Variants in CCDC6 observed in about 807,000 individuals in gnomAD.
CCDC6 encodes the protein coiled-coil domain containing 6, also known as coiled-coil domain-containing protein 6.
CCDC6 carries 20 observed loss-of-function variants against 56.6 expected under a neutral mutation model. The observed-to-expected ratio is 0.35, with a 90% CI of 0.25 to 0.51. CCDC6 has a LOEUF of 0.51. Ranked by LOEUF, CCDC6 falls within the 20% of genes least tolerant of loss-of-function variation. The pLI is 0.95. For synonymous variants in CCDC6, 241 were observed against 234.4 expected, an observed-to-expected ratio of 1.03 and a Z score of -0.26; for missense variants, 367 against 601.1, an observed-to-expected ratio of 0.61 and a Z score of 4.07.
At chr10:59,857,332 A>G (rs1564749913) in intron 1 of CCDC6, among the ~76,000 whole-genome samples, 1 of 152,314 alleles carries the variant, frequency 6.6e-6, no homozygotes, top group East Asian at 1.9e-4. Context: ...AGGAAAACAC[A>G]GTTTGTTCTG....
chr10:59,808,249 T>C (rs1483805092), intron 5 of CCDC6, among the ~76,000 whole-genome samples: 1 of 152,170 alleles, frequency 6.6e-6, no homozygotes, highest in African/African-American at 2.4e-5. Context: ...CCCAGGAATC[T>C]GAAATGGGGA....
chr10:59,837,657 A>G (rs1292869311), intron 2 of CCDC6, among the ~76,000 whole-genome samples: 1 of 150,382 alleles, frequency 6.6e-6, no homozygotes, highest in Non-Finnish European at 1.5e-5. Context: ...GAGGCAGGAG[A>G]ATCACTTGAA....
intron 3 of CCDC6, among the ~76,000 whole-genome samples, chr10:59,824,769 ACTT>A (rs909009877): frequency 5.9e-5 from 9 of 152,104 alleles, no homozygotes; most frequent in African/African-American, 2.2e-4. Flanking sequence ...TCATTTTTGT[ACTT>A]CTTTTTGTAC....
intron 1 of CCDC6, among the ~76,000 whole-genome samples, chr10:59,878,701 C>T (rs989665346): frequency 3.3e-5 from 5 of 152,174 alleles, no homozygotes; most frequent in African/African-American, 1.2e-4. Context: ...CCTTCACAAC[C>T]AATCATAACA....
At chr10:59,839,577 A>G (rs2070918561) in intron 2 of CCDC6, among the ~76,000 whole-genome samples, 2 of 152,160 alleles carry the variant, frequency 1.3e-5, no homozygotes, top group Admixed American at 1.3e-4. Context: ...ACTCCTAGAC[A>G]TAATCAATAT....
At chr10:59,884,235 AAAAC>A (rs1287318703) in intron 1 of CCDC6, among the ~76,000 whole-genome samples, 7 of 152,222 alleles carry the variant, frequency 4.6e-5, no homozygotes, top group African/African-American at 1.7e-4. Context: ...CAACCCCTTC[AAAAC>A]AAACAAAAAA....
chr10:59,842,683 G>C (rs1378334346), intron 2 of CCDC6, among the ~76,000 whole-genome samples: 1 of 151,210 alleles, frequency 6.6e-6, no homozygotes, highest in Non-Finnish European at 1.5e-5. Context: ...TTTGAGCTTT[G>C]AAGGTTATGT....
At chr10:59,893,622 ACATACATACATACATAC>A (rs2071440572) in intron 1 of CCDC6, among the ~76,000 whole-genome samples, 1 of 35,930 alleles carries the variant, frequency 2.8e-5, no homozygotes, top group African/African-American at 6.2e-5. Flanking sequence ...ACAAATACAT[ACATACATACATACATAC>A]ATACATACAT....
At chr10:59,843,586 T>C (rs750231049) in intron 2 of CCDC6, among the ~76,000 whole-genome samples, 1 of 152,224 alleles carries the variant, frequency 6.6e-6, no homozygotes, top group Non-Finnish European at 1.5e-5. Flanking sequence ...CTTTTATTTC[T>C]AGTCACTTAC....
At chr10:59,794,370 GGAA>G in intron 8 of CCDC6, 100 bp downstream of exon 8, 1 of 1,159,756 alleles carries the variant, frequency 8.6e-7, no homozygotes, top group South Asian at 1.5e-5. Context: ...GGAGGAGGCA[GGAA>G]GAAGGGCAAA....
chr10:59,824,644 T>C (rs2070773169), intron 3 of CCDC6, among the ~76,000 whole-genome samples: 1 of 151,932 alleles, frequency 6.6e-6, no homozygotes, highest in Admixed American at 6.6e-5. Flanking sequence ...GGGCAGCCAA[T>C]TACAAATCCA....
intron 1 of CCDC6, among the ~76,000 whole-genome samples, chr10:59,863,710 G>C (rs2071153850): frequency 6.6e-6 from 1 of 152,062 alleles, no homozygotes; most frequent in Admixed American, 6.5e-5. Context: ...TTTTAAAAAA[G>C]CATTCTCTAT....
rs16914241 is a variant in CCDC6, at chr10:59,832,877, T to C, written c.454-224A>G. ...GAAATGCAATTTGTGTTTTGCAATA[T>C]ACTTTTTGCTACCTTTCAGGTTTTA... On this transcript the variant is annotated intron_variant, in intron 2 of 8. Coordinates refer to ENST00000263102, the MANE Select transcript of CCDC6 (RefSeq NM_005436.5). Among the ~76,000 whole-genome samples the C allele has an allele frequency of 1.6e-3, 245 of 152,358 alleles. 1 individual carries two copies. The highest frequency in any genetic ancestry group is 8.9e-3 in the East Asian group (46 of 5,194).
At chr10:59,881,234 C>T (rs1355964097) in intron 1 of CCDC6, among the ~76,000 whole-genome samples, 1 of 152,180 alleles carries the variant, frequency 6.6e-6, no homozygotes, top group Non-Finnish European at 1.5e-5. Flanking sequence ...GCCCCTGATA[C>T]TGACAGTCAC....
intron 1 of CCDC6, among the ~76,000 whole-genome samples, chr10:59,861,354 A>G (rs2071126781): frequency 6.6e-6 from 1 of 150,650 alleles, no homozygotes; most frequent in Admixed American, 6.7e-5. Context: ...GTAAGACTTC[A>G]TCTCAGAAAA....
At chr10:59,888,286 A>T (rs2071397598) in intron 1 of CCDC6, among the ~76,000 whole-genome samples, 1 of 152,238 alleles carries the variant, frequency 6.6e-6, no homozygotes. Flanking sequence ...TCTCAGCTAG[A>T]AGCTTCCAGG....
chr10:59,836,348 C>T (rs770472940), intron 2 of CCDC6, among the ~76,000 whole-genome samples: 9 of 152,170 alleles, frequency 5.9e-5, no homozygotes, highest in South Asian at 2.1e-4. Flanking sequence ...GCACCACAGA[C>T]GTAAAAACCC....
At chr10:59,889,512 GC>G (rs747765513) in intron 1 of CCDC6, among the ~76,000 whole-genome samples, 25 of 152,158 alleles carry the variant, frequency 1.6e-4, no homozygotes, top group Non-Finnish European at 3.4e-4. Flanking sequence ...CTCAACAGCT[GC>G]CCAGGCCAAA....
At chr10:59,879,221 A>G (rs1177348098) in intron 1 of CCDC6, among the ~76,000 whole-genome samples, 1 of 152,200 alleles carries the variant, frequency 6.6e-6, no homozygotes, top group African/African-American at 2.4e-5. Context: ...ACCTGAAAAC[A>G]AGGATCTAAA....
Sources: gnomAD v4.1 joint callset for allele counts (sites outside exome capture counted in the v4.1 genomes callset) on GRCh38, gnomAD v4.1.1 for gene constraint, MANE v1.5 for transcripts, NCBI Gene and HGNC (gene_info 2026-07-23, HGNC 2026-07-21) for gene names.